The following NAALADL2 variants were observed in gnomAD, a reference collection of about 807,000 sequenced individuals.
NAALADL2 encodes N-acetylated alpha-linked acidic dipeptidase like 2, also known as inactive N-acetylated-alpha-linked acidic dipeptidase-like protein 2.
NAALADL2 carries 76 observed loss-of-function variants against 87.2 expected under a neutral mutation model. The ratio of observed to expected loss-of-function variants is 0.87; its 90% CI spans 0.72 to 1.05. The LOEUF (loss-of-function observed/expected upper bound fraction) is 1.05. NAALADL2 is among the 50% of genes least tolerant of loss of function. NAALADL2 has a pLI of 0.00. For missense variants in NAALADL2, 1,089 were observed against 945.8 expected (o/e 1.15, Z -1.99); for synonymous variants, 354 against 331.0 (o/e 1.07, Z -0.75).
chr3:174,598,606 G>A (rs530557338), intron 2 of NAALADL2, among the ~76,000 whole-genome samples: 1 of 152,070 alleles, frequency 6.6e-6, no homozygotes, highest in Admixed American at 6.5e-5. Flanking sequence ...GTCCTGATAA[G>A]GAGAATTATG....
intron 4 of NAALADL2, among the ~76,000 whole-genome samples, chr3:175,261,722 A>G (rs1314425234): frequency 1.3e-5 from 2 of 152,166 alleles, no homozygotes; most frequent in East Asian, 3.9e-4. Flanking sequence ...CATCCAAATG[A>G]TTTTGTAGTT....
intron 1 of NAALADL2, among the ~76,000 whole-genome samples, chr3:175,010,557 G>A (rs985286122): frequency 1.3e-5 from 2 of 152,150 alleles, no homozygotes; most frequent in Non-Finnish European, 2.9e-5. Context: ...ATTAAGGAAT[G>A]TTTATCTCAC....
At chr3:175,057,548 CA>C (rs1280672686) in intron 1 of NAALADL2, among the ~76,000 whole-genome samples, 2 of 152,196 alleles carry the variant, frequency 1.3e-5, no homozygotes, top group African/African-American at 4.8e-5. Context: ...ATAAGCCCTG[CA>C]CCATCTGGGG....
chr3:175,345,713 A>G (rs958074952), intron 5 of NAALADL2, among the ~76,000 whole-genome samples: 2 of 152,144 alleles, frequency 1.3e-5, no homozygotes, highest in African/African-American at 4.8e-5. Flanking sequence ...AGTGACATTA[A>G]GAAGTCACCC....
intron 1 of NAALADL2, among the ~76,000 whole-genome samples, chr3:174,999,393 T>C (rs6445188): frequency 0.21 from 31,428 of 152,116 alleles, 5,420 homozygotes; most frequent in African/African-American, 0.48. Context: ...TTCTGTAATG[T>C]ACATGCTTTT....
intron 2 of NAALADL2, among the ~76,000 whole-genome samples, chr3:174,694,902 C>A (rs1578573078): frequency 6.6e-6 from 1 of 151,968 alleles, no homozygotes; most frequent in East Asian, 1.9e-4. Context: ...AACAAGCCCT[C>A]TCCCAAATCT....
intron 2 of NAALADL2, among the ~76,000 whole-genome samples, chr3:175,224,181 T>TGGGAGTAGTCTGGGC (rs964834593): frequency 1.3e-5 from 2 of 152,012 alleles, no homozygotes; most frequent in African/African-American, 4.8e-5. Flanking sequence ...TAGGTCTGGG[T>TGGGAGTAGTCTGGGC]GGGAGTAGTC....
At chr3:175,339,547 T>A (rs1057084545) in intron 5 of NAALADL2, among the ~76,000 whole-genome samples, 1 of 152,214 alleles carries the variant, frequency 6.6e-6, no homozygotes, top group Non-Finnish European at 1.5e-5. Context: ...TAATTCTTTG[T>A]GCATCTAGCT....
intron 5 of NAALADL2, among the ~76,000 whole-genome samples, chr3:175,395,558 A>G (rs1016838146): frequency 2.6e-5 from 4 of 152,166 alleles, no homozygotes; most frequent in Non-Finnish European, 5.9e-5. Context: ...CAAGATCCCA[A>G]CAACAGCCCT....
At chr3:175,445,890 G>T (rs921387638) in intron 5 of NAALADL2, among the ~76,000 whole-genome samples, 15 of 152,162 alleles carry the variant, frequency 9.9e-5, no homozygotes, top group Non-Finnish European at 2.1e-4. Context: ...TCTTCCTAGA[G>T]ACCTCCCTCC....
chr3:175,406,337 T>TG (rs2067457455), intron 5 of NAALADL2, among the ~76,000 whole-genome samples: 1 of 152,214 alleles, frequency 6.6e-6, no homozygotes, highest in Admixed American at 6.5e-5. Context: ...TAGAGTATCC[T>TG]TATTTGAGTA....
chr3:174,821,299 C>T lies in NAALADL2; in HGVS notation c.-9+83553C>T, dbSNP rs113586014. Among the ~76,000 whole-genome samples, 179 of 151,860 alleles carry T rather than the reference C, an allele frequency of 1.2e-3. 1 individual carries two copies. The highest frequency in any genetic ancestry group is 4.1e-3 in the African/African-American group (169 of 41,394). On this transcript the variant is annotated intron_variant, in intron 3 of 3. Transcript: ENST00000434257. Reference sequence around the variant, plus strand: ...ATTTAACTCCTCATTTATACTAATACGGATGACAATACCGGGCTTGAGGTC... The same window carrying T: ...ATTTAACTCCTCATTTATACTAATATGGATGACAATACCGGGCTTGAGGTC...
intron 2 of NAALADL2, among the ~76,000 whole-genome samples, chr3:174,643,995 T>C (rs993054334): frequency 3.9e-5 from 6 of 152,202 alleles, no homozygotes. Context: ...AAATTTAAGG[T>C]CACTACCACA....
chr3:174,997,758 A>C (rs1579937934), intron 1 of NAALADL2, among the ~76,000 whole-genome samples: 1 of 152,074 alleles, frequency 6.6e-6, no homozygotes, highest in East Asian at 1.9e-4. Flanking sequence ...AGGAGGTTGC[A>C]GTGAGCCAAG....
At chr3:175,622,509 C>T (rs772989966) in intron 10 of NAALADL2, among the ~76,000 whole-genome samples, 1 of 152,002 alleles carries the variant, frequency 6.6e-6, no homozygotes, top group African/African-American at 2.4e-5. Flanking sequence ...TGACTGTCAA[C>T]CTGGCTTTAT....
chr3:175,559,107 G>T (rs1431956222), intron 9 of NAALADL2, among the ~76,000 whole-genome samples: 1 of 151,826 alleles, frequency 6.6e-6, no homozygotes, highest in African/African-American at 2.4e-5. Flanking sequence ...TCTTGCATCA[G>T]TGTTTTATAG....
chr3:175,749,465 CT>C (rs1421067221), intron 12 of NAALADL2, among the ~76,000 whole-genome samples: 33 of 152,114 alleles, frequency 2.2e-4, no homozygotes, highest in South Asian at 6.2e-4. Context: ...GGTTTAGTGC[CT>C]GGTAAGGGCC....
chr3:174,647,161 T>G (rs1466053191), intron 2 of NAALADL2, among the ~76,000 whole-genome samples: 1 of 152,232 alleles, frequency 6.6e-6, no homozygotes, highest in Non-Finnish European at 1.5e-5. Flanking sequence ...CATTGACTTC[T>G]CACAGCAACA....
At chr3:175,199,864 A>ATATATATT (rs1560154077) in intron 2 of NAALADL2, among the ~76,000 whole-genome samples, 3 of 13,056 alleles carry the variant, frequency 2.3e-4, no homozygotes, top group Non-Finnish European at 2.9e-4. Flanking sequence ...ATATATATAT[A>ATATATATT]TTTTTTTTTT....
Sources: allele counts gnomAD v4.1 joint callset (sites outside exome capture counted in the v4.1 genomes callset), GRCh38; gene constraint gnomAD v4.1.1; transcripts MANE v1.5; gene names NCBI Gene and HGNC (gene_info 2026-07-23, HGNC 2026-07-21).